LRP6: variants seen among roughly 807,000 people sequenced by gnomAD.
LRP6 encodes LDL receptor related protein 6.
Under a neutral mutation model 184.1 loss-of-function variants are expected in LRP6, and 43 were observed. That is an observed-to-expected ratio of 0.23 (90% CI 0.18 to 0.30). The LOEUF (loss-of-function observed/expected upper bound fraction) is 0.30, where lower values mean the gene tolerates loss of function less well. LRP6 is among the 10% of genes least tolerant of loss of function. LRP6 has a pLI of 1.00. For synonymous variants in LRP6, 719 were observed against 684.9 expected (o/e 1.05, Z -0.78); for missense variants, 1,571 against 2,005.3 (o/e 0.78, Z 4.14).
intron 3 of LRP6, among the ~76,000 whole-genome samples, chr12:12,196,992 TCTA>T (rs1210291635): frequency 2.3e-4 from 35 of 152,174 alleles, no homozygotes; most frequent in African/African-American, 8.4e-4. Context: ...CTCTCCCATA[TCTA>T]CTATTTTGTT....
At chr12:12,170,629 G>C (rs886959417) in intron 7 of LRP6, among the ~76,000 whole-genome samples, 10 of 151,880 alleles carry the variant, frequency 6.6e-5, no homozygotes, top group African/African-American at 2.4e-4. Context: ...AAATTAATTG[G>C]TTCCTTTTTT....
chr12:12,133,663 T>A (rs1477163142), intron 17 of LRP6, among the ~76,000 whole-genome samples: 2 of 152,074 alleles, frequency 1.3e-5, no homozygotes, highest in Non-Finnish European at 2.9e-5. Context: ...AATACATACA[T>A]TAAAAATAAT....
At chr12:12,232,522 A>G (rs1195557841) in intron 2 of LRP6, among the ~76,000 whole-genome samples, 1 of 151,784 alleles carries the variant, frequency 6.6e-6, no homozygotes, top group Non-Finnish European at 1.5e-5. Context: ...AGATCTGTTC[A>G]CAGTCCAAAA....
At chr12:12,252,860 C>T (rs950868535) in intron 1 of LRP6, among the ~76,000 whole-genome samples, 7 of 152,176 alleles carry the variant, frequency 4.6e-5, no homozygotes, top group African/African-American at 1.7e-4. Context: ...ATACTCTTGA[C>T]ATATTCATGG....
chr12:12,148,952 G>T lies in LRP6; in HGVS notation c.3196C>A (p.Pro1066Thr), dbSNP rs1950045419. 1 of 1,612,552 alleles carries T rather than the reference G, an allele frequency of 6.2e-7. No homozygotes were observed. The highest frequency in any genetic ancestry group is 1.3e-5 in the African/African-American group (1 of 74,812). The stretch of plus-strand genomic sequence containing the variant: ...ACTTTAGTAACATACCCTTTCTCTG[G>T]GTTTACCACAACGGCTCGAGGTCTG... ...QDRPRAVVVNPEKGYMYFTNL... is the reference protein window; with the variant it reads ...QDRPRAVVVNTEKGYMYFTNL... Residue 1066 changes from proline (P) to threonine (T), a missense_variant, in exon 14 of 23, where the codon CCA becomes ACA. Pro to Thr is a conservative substitution (Grantham distance 38). Transcript: ENST00000261349.
intron 15 of LRP6, among the ~76,000 whole-genome samples, chr12:12,146,910 T>C (rs1031828968): frequency 6.6e-6 from 1 of 152,184 alleles, no homozygotes; most frequent in Non-Finnish European, 1.5e-5. Context: ...CCCAGCACTT[T>C]GGGAGGCCGA....
chr12:12,125,634 G>C (rs886895134), intron 20 of LRP6, among the ~76,000 whole-genome samples: 5 of 152,164 alleles, frequency 3.3e-5, no homozygotes, highest in Admixed American at 6.5e-5. Flanking sequence ...TCCATTGAAA[G>C]AGCTGGCCTA....
At chr12:12,213,766 T>G (rs1322577513) in intron 2 of LRP6, among the ~76,000 whole-genome samples, 1 of 152,090 alleles carries the variant, frequency 6.6e-6, no homozygotes, top group African/African-American at 2.4e-5. Flanking sequence ...TTTTATCACG[T>G]TACAAATTGT....
At chr12:12,143,852 T>C (rs1949966849) in intron 15 of LRP6, among the ~76,000 whole-genome samples, 1 of 152,248 alleles carries the variant, frequency 6.6e-6, no homozygotes, top group South Asian at 2.1e-4. Context: ...GCTATACATT[T>C]ATGTGGTACA....
intron 21 of LRP6, 113 bp from the exon 22 acceptor site, chr12:12,124,775 C>T (rs1949650932): frequency 1.5e-6 from 1 of 678,256 alleles, no homozygotes; most frequent in African/African-American, 1.8e-5. Flanking sequence ...ACACTATTAG[C>T]ACAATTCTTC....
At chr12:12,253,132 C>T (rs996345721) in intron 1 of LRP6, among the ~76,000 whole-genome samples, 10 of 152,104 alleles carry the variant, frequency 6.6e-5, no homozygotes, top group Non-Finnish European at 1.0e-4. Context: ...GGCGTGGTGG[C>T]GCGTGCCTGT....
At position 12,266,697 on chromosome 12, in the gene LRP6, G is replaced by T. The variant is rs774133267; in HGVS notation, c.39C>A (p.Phe13Leu). ...TCTTCCCACCTCTCAGGAGCACACAGAAGCTGCAGGCCAGGAGGCTCCTCA... is the reference window on the plus strand; with the variant it reads ...TCTTCCCACCTCTCAGGAGCACACATAAGCTGCAGGCCAGGAGGCTCCTCA... ...AVLRSLLACSFCVLLRAAPLL... is the reference protein window; with the variant it reads ...AVLRSLLACSLCVLLRAAPLL... The change falls in exon 1 of 23, where the codon TTC becomes TTA. Residue 13 changes from phenylalanine (F) to leucine (L), a missense_variant. By Grantham distance (22) the Phe-to-Leu change is conservative (BLOSUM62 0). Transcript: ENST00000261349. 1.9e-6 allele frequency: 3 copies of T among 1,613,326 alleles called. No homozygotes were observed. The South Asian group carries it at 3.3e-5, about 18-fold the overall frequency.
intron 1 of LRP6, among the ~76,000 whole-genome samples, chr12:12,254,184 A>G (rs1257485874): frequency 6.6e-6 from 1 of 150,614 alleles, no homozygotes; most frequent in Non-Finnish European, 1.5e-5. Context: ...GAAAAAGGAA[A>G]ACTACTACGC....
In LRP6 at chr12:12,244,547, G is replaced by A. The variant is rs1339034580; in HGVS notation, c.164C>T (p.Ala55Val). ...GCCATGACTAAACACAAAGTCCACCGCAGCTGCATCCTCCAAGCCTCCAAC... is the reference window on the plus strand; with the variant it reads ...GCCATGACTAAACACAAAGTCCACCACAGCTGCATCCTCCAAGCCTCCAAC... ...IVVGGLEDAA[A>V]VDFVFSHGLI... The change falls in exon 2 of 23, where the codon GCG becomes GTG. Residue 55 changes from alanine to valine, a missense_variant. Transcript: ENST00000261349. The A allele has an allele frequency of 1.2e-6, 2 of 1,614,138 alleles. No individual in the cohort carries two copies. Among genetic ancestry groups the A allele is most frequent in the African/African-American group, 1.3e-5 (1 of 75,020 alleles).
chr12:12,233,196 G>A (rs937397268), intron 2 of LRP6, among the ~76,000 whole-genome samples: 5 of 152,126 alleles, frequency 3.3e-5, no homozygotes, highest in African/African-American at 7.2e-5. Context: ...GTCTGGGCGC[G>A]GTGGCTCATG....
rs1042930993 is a variant in LRP6 at position 12,117,706 on chromosome 12, C to T, written c.*3420G>A. On this transcript the variant is annotated 3_prime_UTR_variant, in exon 23 of 23. Transcript: ENST00000261349. ...CTTCATTAACACACTAGGTAAGCTACAGCTATTAACTCTACTGGAAGTATT... is the reference window on the plus strand; with the variant it reads ...CTTCATTAACACACTAGGTAAGCTATAGCTATTAACTCTACTGGAAGTATT... 1 of 152,324 alleles carries T rather than the reference C, an allele frequency of 6.6e-6. No homozygotes were observed. The highest frequency in any genetic ancestry group is 2.4e-5 in the African/African-American group (1 of 41,592). The allele number at this position is 152,324 out of a possible 1,614,324, so 9.4% of individuals were successfully genotyped here. A position where few individuals can be genotyped will look rare whatever the true frequency, so the allele number is the denominator to read the frequency against.
At chr12:12,194,127 G>A (rs1007729490) in intron 3 of LRP6, among the ~76,000 whole-genome samples, 6 of 151,646 alleles carry the variant, frequency 4.0e-5, no homozygotes, top group Non-Finnish European at 1.5e-5. Flanking sequence ...AAAAAGGAAC[G>A]GACAAAATCC....
chr12:12,137,175 A>T (rs931600679), intron 16 of LRP6, among the ~76,000 whole-genome samples: 3 of 152,230 alleles, frequency 2.0e-5, no homozygotes. Flanking sequence ...TCAATTTAAA[A>T]GCACTGAGCT....
In LRP6 at chr12:12,179,966, A is replaced by C. The variant is rs760616607; in HGVS notation, c.1389T>G (p.Thr463=). Reference sequence around the variant, plus strand: ...CAATTTTCGGAATTTCTCCCCAGTCAGTCCAATACATGTACCTAGAGAAGT... The same window carrying C: ...CAATTTTCGGAATTTCTCCCCAGTCCGTCCAATACATGTACCTAGAGAAGT... The part of the protein sequence containing the change: ...LDPMVGYMYW[T]DWGEIPKIER... The change falls in exon 7 of 23, where the codon ACT becomes ACG. Residue 463 remains threonine, a synonymous_variant. Coordinates refer to ENST00000261349, the MANE Select transcript of LRP6 (RefSeq NM_002336.3). 6 of 1,613,574 alleles carry C rather than the reference A, an allele frequency of 3.7e-6. No individual in the cohort carries two copies. The highest frequency in any genetic ancestry group is 5.1e-6 in the Non-Finnish European group (6 of 1,179,634).
Sources: allele counts gnomAD v4.1 joint callset (sites outside exome capture counted in the v4.1 genomes callset), GRCh38; gene constraint gnomAD v4.1.1; transcripts MANE v1.5; gene names NCBI Gene and HGNC (gene_info 2026-07-23, HGNC 2026-07-21).